The following PTPRT variants were observed in gnomAD, a reference collection of about 807,000 sequenced individuals.
The protein encoded by PTPRT is receptor-type tyrosine-protein phosphatase T.
PTPRT carries 56 observed loss-of-function variants against 176.8 expected under a neutral mutation model. That is an observed-to-expected ratio of 0.32 (90% CI 0.26 to 0.40). PTPRT has a LOEUF of 0.40. Ranked by LOEUF, PTPRT falls within the 10% of genes least tolerant of loss-of-function variation. PTPRT has a pLI of 1.00. For synonymous variants in PTPRT, 783 were observed against 739.0 expected (o/e 1.06, Z -0.96); for missense variants, 1,540 against 1,908.2 (o/e 0.81, Z 3.60).
At chr20:42,449,588 C>G (rs556872167) in intron 8 of PTPRT, among the ~76,000 whole-genome samples, 1 of 152,110 alleles carries the variant, frequency 6.6e-6, no homozygotes, top group Non-Finnish European at 1.5e-5. Flanking sequence ...ATCTCCTTTG[C>G]GTCGATAAGA....
At chr20:42,272,598 T>C (rs946153049) in intron 13 of PTPRT, among the ~76,000 whole-genome samples, 1 of 152,194 alleles carries the variant, frequency 6.6e-6, no homozygotes, top group Non-Finnish European at 1.5e-5. Flanking sequence ...TCTGATTCAT[T>C]TTCTAAACTA....
chr20:42,680,142 G>A (rs560033998), intron 6 of PTPRT, among the ~76,000 whole-genome samples: 4 of 152,254 alleles, frequency 2.6e-5, no homozygotes, highest in African/African-American at 7.2e-5. Flanking sequence ...AGATAGAGAC[G>A]CACTAAGCAT....
intron 2 of PTPRT, among the ~76,000 whole-genome samples, chr20:42,866,848 G>A (rs208275): frequency 0.29 from 43,491 of 151,988 alleles, 6,640 homozygotes; most frequent in African/African-American, 0.4. Flanking sequence ...CTTAATCTTT[G>A]TGTGCCTCAT....
intron 1 of PTPRT, among the ~76,000 whole-genome samples, chr20:43,111,134 G>A (rs1039027777): frequency 6.6e-6 from 1 of 152,158 alleles, no homozygotes; most frequent in African/African-American, 2.4e-5. Context: ...AGCCCAAGGT[G>A]CAGGTTGGCA....
chr20:42,318,441 G>T (rs755534325), intron 11 of PTPRT, among the ~76,000 whole-genome samples: 4 of 152,170 alleles, frequency 2.6e-5, no homozygotes, highest in African/African-American at 9.7e-5. Flanking sequence ...GCTAATAGTA[G>T]CTCGACCAGT....
At chr20:42,529,902 A>G (rs2072351039) in intron 7 of PTPRT, among the ~76,000 whole-genome samples, 1 of 151,878 alleles carries the variant, frequency 6.6e-6, no homozygotes, top group East Asian at 1.9e-4. Context: ...CTTTGGGCAT[A>G]CAACTGCCTT....
intron 1 of PTPRT, among the ~76,000 whole-genome samples, chr20:43,130,726 G>T (rs921941160): frequency 6.6e-6 from 1 of 151,414 alleles, no homozygotes; most frequent in Non-Finnish European, 1.5e-5. Flanking sequence ...AGAGGCCAAG[G>T]GCTCTGAGAG....
At chr20:42,981,827 T>C (rs142557410) in intron 1 of PTPRT, among the ~76,000 whole-genome samples, 4 of 152,352 alleles carry the variant, frequency 2.6e-5, no homozygotes, top group East Asian at 3.9e-4. Context: ...ACTGCATTTA[T>C]GTTCATTTCC....
intron 12 of PTPRT, among the ~76,000 whole-genome samples, chr20:42,310,256 G>A (rs757709722): frequency 3.9e-5 from 6 of 152,176 alleles, no homozygotes; most frequent in Middle Eastern, 6.8e-3. Context: ...AACATGATGG[G>A]GAAAATGAGC....
chr20:42,783,495 G>A (rs1036598662), intron 3 of PTPRT, among the ~76,000 whole-genome samples: 3 of 152,136 alleles, frequency 2.0e-5, no homozygotes, highest in African/African-American at 7.2e-5. Context: ...AAATGACACT[G>A]AGTATGATCA....
chr20:42,682,874 A>G (rs376704472), intron 6 of PTPRT, among the ~76,000 whole-genome samples: 1 of 152,198 alleles, frequency 6.6e-6, no homozygotes, highest in South Asian at 2.1e-4. Context: ...CACTTGTAAC[A>G]GTTTGACTCC....
chr20:42,084,745 C>A lies in PTPRT; in HGVS notation c.4073G>T (p.Arg1358Leu). ...CTGCTCCTGCCACTTCTCCAGTCGT[C>A]GGACCACTTTGAGCAGAGAGCGCTT... ...PSKRSLLKVV[R>L]RLEKWQEQYD... The change falls in exon 29 of 31, where the codon CGA (arginine) becomes CTA (leucine). Residue 1358 changes from arginine to leucine, a missense_variant. Transcript: ENST00000373187. 1 of 1,567,794 alleles carries A rather than the reference C, an allele frequency of 6.4e-7. No homozygotes were observed. The highest frequency in any genetic ancestry group is 8.7e-7 in the Non-Finnish European group (1 of 1,153,776).
Position 42,102,140 on chromosome 20 carries a change from T to G in PTPRT, c.3698A>C (p.Asn1233Thr). The change falls in exon 26 of 31, where the codon AAC (asparagine) becomes ACC (threonine). Residue 1233 changes from asparagine to threonine, a missense_variant. By Grantham distance (65) the Asn-to-Thr change is moderately conservative (BLOSUM62 0). Coordinates refer to ENST00000373187, the MANE Select transcript of PTPRT (RefSeq NM_007050.6). ...TCGGCTTACATCCATCAGTGCTGCG[T>G]TGATGTAATTGCTGGATTCTCCGTC... ...SVDGESSNYI[N>T]AALMDSHKQP... 2.5e-6 allele frequency: 4 copies of G among 1,613,830 alleles called. No individual in the cohort carries two copies. Among genetic ancestry groups the G allele is most frequent in the Non-Finnish European group, 3.4e-6 (4 of 1,179,896 alleles).
chr20:43,139,239 C>T (rs56164211), intron 1 of PTPRT, among the ~76,000 whole-genome samples: 2,341 of 152,260 alleles, frequency 0.015, 40 homozygotes, highest in South Asian at 0.075. Flanking sequence ...CTCTTTTGCA[C>T]GTGTCTTCTC....
chr20:42,542,304 T>C (rs2072597932), intron 7 of PTPRT, among the ~76,000 whole-genome samples: 1 of 151,970 alleles, frequency 6.6e-6, no homozygotes, highest in African/African-American at 2.4e-5. Flanking sequence ...TTTCCTAATA[T>C]AGAAAGAAGT....
intron 19 of PTPRT, among the ~76,000 whole-genome samples, chr20:42,121,199 G>C (rs1987570436): frequency 6.6e-6 from 1 of 152,178 alleles, no homozygotes; most frequent in African/African-American, 2.4e-5. Flanking sequence ...TGTTTCACTT[G>C]CTCGATAATG....
chr20:42,475,695 A>G lies in PTPRT; in HGVS notation c.1154-3133T>C, dbSNP rs370219117. ...ACCTGCGGGAGAGAGTGGTACAGTG[A>G]TGTAAACACATTTAGTGCAAAGCTG... On this transcript the variant is annotated intron_variant, in intron 7 of 30. Coordinates refer to ENST00000373187, the MANE Select transcript of PTPRT (RefSeq NM_007050.6). Among the ~76,000 whole-genome samples the G allele has an allele frequency of 4.6e-5, 7 of 152,304 alleles. No individual in the cohort carries two copies. The South Asian group carries it at 1.0e-3, about 23-fold the overall frequency.
chr20:42,842,347 C>T (rs1332273089), intron 2 of PTPRT, among the ~76,000 whole-genome samples: 1 of 152,174 alleles, frequency 6.6e-6, no homozygotes, highest in Non-Finnish European at 1.5e-5. Context: ...TCTGTCAGGC[C>T]AGGGTTGGAA....
intron 7 of PTPRT, among the ~76,000 whole-genome samples, chr20:42,569,659 A>C (rs1055190603): frequency 5.3e-5 from 8 of 152,096 alleles, no homozygotes; most frequent in Non-Finnish European, 7.4e-5. Context: ...CCAAATGAGA[A>C]TGGGTTCCAT....
Sources: gnomAD v4.1 joint callset for allele counts (sites outside exome capture counted in the v4.1 genomes callset) on GRCh38, gnomAD v4.1.1 for gene constraint, MANE v1.5 for transcripts, NCBI Gene and HGNC (gene_info 2026-07-23, HGNC 2026-07-21) for gene names.